The following CHD2 variants were observed in gnomAD, a reference collection of about 807,000 sequenced individuals.
CHD2 encodes ATP-dependent chromatin remodeler CHD2.
In CHD2, 28 loss-of-function variants were observed where a neutral mutation model predicts 243.9. The ratio of observed to expected loss-of-function variants is 0.11; its 90% CI spans 0.09 to 0.16. The LOEUF (loss-of-function observed/expected upper bound fraction) is 0.16. CHD2 is among the 10% of genes least tolerant of loss of function. The pLI is 1.00. For synonymous variants in CHD2, 775 were observed against 779.0 expected (o/e 0.99, Z 0.09); for missense variants, 1,386 against 2,209.8 (o/e 0.63, Z 7.47).
At chr15:92,961,139 T>G (rs1437333264) in intron 16 of CHD2, among the ~76,000 whole-genome samples, 1 of 152,218 alleles carries the variant, frequency 6.6e-6, no homozygotes, top group East Asian at 1.9e-4. Context: ...GTTTCCCTTC[T>G]GTTTTCTGAA....
chr15:93,019,201 G>A (rs1596460772), intron 37 of CHD2, among the ~76,000 whole-genome samples: 1 of 152,198 alleles, frequency 6.6e-6, no homozygotes, highest in Non-Finnish European at 1.5e-5. Context: ...ATCGGTGAGT[G>A]TAGTCTGGAG....
chr15:93,005,491 C>G (rs994838459), intron 34 of CHD2, among the ~76,000 whole-genome samples: 1 of 152,060 alleles, frequency 6.6e-6, no homozygotes, highest in Non-Finnish European at 1.5e-5. Context: ...TCTCTTCTCC[C>G]CATACTTCCA....
chr15:92,996,524 A>C (rs1006922608), intron 28 of CHD2, among the ~76,000 whole-genome samples: 7 of 152,172 alleles, frequency 4.6e-5, no homozygotes, highest in African/African-American at 1.7e-4. Flanking sequence ...ATGTGAACTT[A>C]AGCTCATGTG....
At chr15:92,925,463 A>G (rs115876977) in intron 3 of CHD2, among the ~76,000 whole-genome samples, 161 of 152,350 alleles carry the variant, frequency 1.1e-3, no homozygotes, top group African/African-American at 3.8e-3. Flanking sequence ...TAAAGTCATA[A>G]TAGTTGAGCT....
chr15:93,015,415 C>T (rs933443727), intron 37 of CHD2, among the ~76,000 whole-genome samples: 1 of 152,142 alleles, frequency 6.6e-6, no homozygotes, highest in African/African-American at 2.4e-5. Flanking sequence ...TTAAGAAGAA[C>T]CCAGCTAACA....
chr15:93,009,120 T>C, intron 34 of CHD2, 25 bp from the exon 35 acceptor site: 1 of 1,611,558 alleles, frequency 6.2e-7, no homozygotes, highest in South Asian at 1.1e-5. Flanking sequence ...ATTGTTTATG[T>C]CTTTACTCTG....
At chr15:92,913,805 T>A (rs1353927107) in intron 2 of CHD2, among the ~76,000 whole-genome samples, 1 of 152,138 alleles carries the variant, frequency 6.6e-6, no homozygotes, top group Non-Finnish European at 1.5e-5. Flanking sequence ...TGAGCTGTGA[T>A]CACATTACGT....
rs144192516 is a variant in CHD2, at chr15:92,944,126, A to G, written c.1053-289A>G. The stretch of plus-strand genomic sequence containing the variant: ...ATGTATGAATTTGCCACATGAATCT[A>G]TCACATAAAAGAGTTATTTTTGGGT... On this transcript the variant is annotated intron_variant, in intron 9 of 38. Transcript: ENST00000394196. 16 of 186,864 alleles carry G rather than the reference A, an allele frequency of 8.6e-5. No homozygotes were observed. The East Asian group carries it at 1.6e-3, about 19-fold the overall frequency. 11.6% of individuals were successfully genotyped at this position (186,864 alleles called of 1,614,324 possible). A position where few individuals can be genotyped will look rare whatever the true frequency, so the allele number is the denominator to read the frequency against.
chr15:92,953,951 T>C (rs1208599467), intron 14 of CHD2: 2 of 164,700 alleles, frequency 1.2e-5, no homozygotes, highest in African/African-American at 4.8e-5. Context: ...ATAATCATTC[T>C]TCGAATTTCT....
chr15:93,017,101 G>T (rs1545189), intron 37 of CHD2, among the ~76,000 whole-genome samples: 29,597 of 152,090 alleles, frequency 0.19, 3,210 homozygotes, highest in Non-Finnish European at 0.23. Context: ...TATAATCTTT[G>T]CAGAAAATAA....
At position 92,935,258 on chromosome 15, in the gene CHD2, A is replaced by G. The variant is rs906013777; in HGVS notation, c.444-2260A>G. 4.6e-5 allele frequency among the ~76,000 whole-genome samples: 7 copies of G among 151,980 alleles called. No homozygotes were observed. The South Asian group carries it at 6.2e-4, about 13-fold the overall frequency. On this transcript the variant is annotated intron_variant, in intron 5 of 38. Coordinates refer to ENST00000394196, the MANE Select transcript of CHD2 (RefSeq NM_001271.4). The stretch of plus-strand genomic sequence containing the variant: ...TCACCACGTTAGCCAGGATGGTCTC[A>G]ATCTACTGACCTCGTGATCCGCCCG...
At chr15:92,913,834 C>G (rs1310206716) in intron 2 of CHD2, among the ~76,000 whole-genome samples, 1 of 152,132 alleles carries the variant, frequency 6.6e-6, no homozygotes, top group Non-Finnish European at 1.5e-5. Context: ...TCCTGGGCAA[C>G]TGAGCAAGAC....
chr15:93,001,165 C>T (rs772652345), intron 32 of CHD2, among the ~76,000 whole-genome samples: 4 of 152,026 alleles, frequency 2.6e-5, no homozygotes, highest in East Asian at 1.9e-4. Context: ...TCACCGCGCC[C>T]GTCCTAAAGT....
chr15:92,944,937 A>T (rs910065251), intron 10 of CHD2: 1 of 152,578 alleles, frequency 6.6e-6, no homozygotes, highest in Non-Finnish European at 1.5e-5. Flanking sequence ...AAATTTGGAA[A>T]TTTATCAGTA....
At chr15:92,986,593 C>A (rs1017887166) in intron 26 of CHD2, among the ~76,000 whole-genome samples, 1 of 152,182 alleles carries the variant, frequency 6.6e-6, no homozygotes, top group African/African-American at 2.4e-5. Flanking sequence ...ACACACCCCA[C>A]CTCTTCTTGC....
At chr15:92,928,555 A>G (rs1380243797) in intron 4 of CHD2, among the ~76,000 whole-genome samples, 2 of 152,212 alleles carry the variant, frequency 1.3e-5, no homozygotes, top group Non-Finnish European at 2.9e-5. Context: ...CACTGACTAA[A>G]TGTTGTGGCA....
intron 37 of CHD2, among the ~76,000 whole-genome samples, chr15:93,017,237 C>T (rs2054472961): frequency 6.6e-6 from 1 of 152,154 alleles, no homozygotes; most frequent in Non-Finnish European, 1.5e-5. Flanking sequence ...CAGAAGTCAT[C>T]TCTTAACTCT....
chr15:92,974,761 C>T, intron 19 of CHD2, 118 bp from the exon 20 acceptor site: 1 of 851,386 alleles, frequency 1.2e-6, no homozygotes, highest in Non-Finnish European at 1.9e-6. Context: ...TTTGCCAGTG[C>T]TTTGCAGTTA....
At chr15:93,004,332 T>G (rs1020979049) in intron 33 of CHD2, among the ~76,000 whole-genome samples, 1 of 152,180 alleles carries the variant, frequency 6.6e-6, no homozygotes, top group African/African-American at 2.4e-5. Flanking sequence ...TGATGACATT[T>G]CTGTGCATTT....
Sources: gnomAD v4.1 joint callset for allele counts (sites outside exome capture counted in the v4.1 genomes callset) on GRCh38, gnomAD v4.1.1 for gene constraint, MANE v1.5 for transcripts, NCBI Gene and HGNC (gene_info 2026-07-23, HGNC 2026-07-21) for gene names.